Variants in SLC17A6 observed in about 807,000 individuals in gnomAD.
SLC17A6 encodes the protein vesicular glutamate transporter 2.
Under a neutral mutation model 67.1 loss-of-function variants are expected in SLC17A6, and 35 were observed. The ratio of observed to expected loss-of-function variants is 0.52; its 90% CI spans 0.40 to 0.69. SLC17A6 has a LOEUF of 0.69. Ranked by LOEUF, SLC17A6 falls within the 30% of genes least tolerant of loss-of-function variation. The pLI is 0.00. For missense variants in SLC17A6, 588 were observed against 723.9 expected (o/e 0.81, Z 2.15); for synonymous variants, 285 against 252.3 (o/e 1.13, Z -1.23).
chr11:22,368,408 G>A (rs926428527), intron 7 of SLC17A6, among the ~76,000 whole-genome samples: 1 of 151,836 alleles, frequency 6.6e-6, no homozygotes, highest in African/African-American at 2.4e-5. Context: ...AACACTAATA[G>A]TAAACAATCA....
At chr11:22,374,956 T>C (rs1041648937) in intron 9 of SLC17A6, 69 bp downstream of exon 9, 12 of 1,407,110 alleles carry the variant, frequency 8.5e-6, no homozygotes, top group Non-Finnish European at 1.1e-5. Flanking sequence ...AGAGAATAAC[T>C]TTTTCTACAC....
chr11:22,343,552 A>C (rs1238182634), intron 3 of SLC17A6, among the ~76,000 whole-genome samples, 187 bp downstream of exon 3: 1 of 152,126 alleles, frequency 6.6e-6, no homozygotes, highest in East Asian at 1.9e-4. Flanking sequence ...AGTCGCCTAA[A>C]CGAATGTAGG....
At position 22,364,169 on chromosome 11, in the gene SLC17A6, G is replaced by A. The variant is rs566733768; in HGVS notation, c.748+1344G>A. The stretch of plus-strand genomic sequence containing the variant: ...GTCTGGAGTCACACATTCAGTTTTC[G>A]CATTTTAAAGATTAAAGAGATAAGA... On this transcript the variant is annotated intron_variant, in intron 6 of 11. Transcript: ENST00000263160. Among the ~76,000 whole-genome samples, 5 of 152,016 alleles carry A rather than the reference G, an allele frequency of 3.3e-5. 1 individual carries two copies. The South Asian group carries it at 8.3e-4, about 25-fold the overall frequency.
chr11:22,365,707 G>T lies in SLC17A6; in HGVS notation c.891+18G>T. On this transcript the variant is annotated intron_variant, in intron 7 of 11. Coordinates refer to ENST00000263160, the MANE Select transcript of SLC17A6 (RefSeq NM_020346.3). Reference sequence around the variant, plus strand: ...CAATGGAAGTAAGAAATTTATTATGGTGTATATTCCTATCTTATTCCCATC... The same window carrying T: ...CAATGGAAGTAAGAAATTTATTATGTTGTATATTCCTATCTTATTCCCATC... The T allele has an allele frequency of 6.2e-7, 1 of 1,610,530 alleles. No individual in the cohort carries two copies. Among genetic ancestry groups the T allele is most frequent in the Non-Finnish European group, 8.5e-7 (1 of 1,178,220 alleles).
intron 3 of SLC17A6, 114 bp downstream of exon 3, chr11:22,343,479 A>T (rs2665690): frequency 0.21 from 165,204 of 790,250 alleles, 18,062 homozygotes; most frequent in Non-Finnish European, 0.23. Flanking sequence ...TCCCGGGCGA[A>T]GTCTTCTAGT....
intron 3 of SLC17A6, among the ~76,000 whole-genome samples, chr11:22,346,793 T>C (rs867038161): frequency 1.3e-5 from 2 of 149,080 alleles, no homozygotes; most frequent in Non-Finnish European, 3.0e-5. Context: ...ACGTGTTTAA[T>C]GGCATAAATA....
At chr11:22,347,537 A>G (rs747021383) in intron 3 of SLC17A6, among the ~76,000 whole-genome samples, 1 of 152,176 alleles carries the variant, frequency 6.6e-6, no homozygotes. Flanking sequence ...AACCTCTGTG[A>G]CTATTCAGCT....
chr11:22,346,494 C>T (rs545870525), intron 3 of SLC17A6, among the ~76,000 whole-genome samples: 1 of 152,192 alleles, frequency 6.6e-6, no homozygotes, highest in East Asian at 1.9e-4. Flanking sequence ...TCTTGCATCA[C>T]TTTTTCCTTT....
chr11:22,340,983 A>T (rs987589944), intron 1 of SLC17A6, among the ~76,000 whole-genome samples: 1 of 152,302 alleles, frequency 6.6e-6, no homozygotes, highest in East Asian at 1.9e-4. Flanking sequence ...TCAACCTGGA[A>T]AGCTTCAACT....
At chr11:22,362,680 G>T in intron 5 of SLC17A6, 59 bp from the exon 6 acceptor site, 2 of 1,360,814 alleles carry the variant, frequency 1.5e-6, no homozygotes, top group Admixed American at 1.7e-5. Flanking sequence ...AATGTGAGAT[G>T]ATATCAATAA....
chr11:22,359,865 T>C (rs1469128571), intron 4 of SLC17A6, among the ~76,000 whole-genome samples: 1 of 152,164 alleles, frequency 6.6e-6, no homozygotes, highest in Non-Finnish European at 1.5e-5. Context: ...AACCATGAAT[T>C]AGTATCTTGG....
chr11:22,366,140 T>C (rs1856109703), intron 7 of SLC17A6, among the ~76,000 whole-genome samples: 1 of 152,170 alleles, frequency 6.6e-6, no homozygotes, highest in African/African-American at 2.4e-5. Context: ...ATATAATGTT[T>C]TTCCTATACA....
intron 3 of SLC17A6, 127 bp from the exon 4 acceptor site, chr11:22,359,286 C>T (rs1856023946): frequency 2.1e-6 from 1 of 476,508 alleles, no homozygotes; most frequent in Non-Finnish European, 3.5e-6. Context: ...TTAGAAAAAA[C>T]AATCTACCTT....
rs143750207 is a variant in SLC17A6, at chr11:22,377,709, A to G, written c.1718A>G (p.His573Arg). 6 of 1,602,232 alleles carry G rather than the reference A, an allele frequency of 3.7e-6. No homozygotes were observed. Among genetic ancestry groups the G allele is most frequent in the Non-Finnish European group, 5.1e-6 (6 of 1,175,110 alleles). ...GTACAAGGAGAAGTACAAGACTCACATAGCTATAAGGACCGAGTTGATTAT... is the reference window on the plus strand; with the variant it reads ...GTACAAGGAGAAGTACAAGACTCACGTAGCTATAAGGACCGAGTTGATTAT... ...EFVQGEVQDS[H>R]SYKDRVDYS The change falls in exon 12 of 12, where the codon CAT becomes CGT. Residue 573 changes from histidine to arginine, a missense_variant. By Grantham distance (29) the His-to-Arg change is conservative. Coordinates refer to ENST00000263160, the MANE Select transcript of SLC17A6 (RefSeq NM_020346.3).
chr11:22,348,532 T>C (rs1855903077), intron 3 of SLC17A6, among the ~76,000 whole-genome samples: 1 of 152,142 alleles, frequency 6.6e-6, no homozygotes, highest in Admixed American at 6.6e-5. Flanking sequence ...GAGAACATGG[T>C]ATTTATAACT....
intron 9 of SLC17A6, 144 bp downstream of exon 9, chr11:22,375,031 T>C (rs560189295): frequency 1.5e-5 from 13 of 854,168 alleles, no homozygotes; most frequent in Non-Finnish European, 2.1e-5. Context: ...AACTTCCTCA[T>C]ATTACATCAA....
Position 22,360,898 on chromosome 11 carries a change from G to A in SLC17A6, c.575G>A (p.Gly192Asp), listed in dbSNP as rs1226744142. The change falls in exon 5 of 12, where the codon GGT becomes GAT. Residue 192 changes from glycine (G) to aspartate (D), a missense_variant and splice_region_variant. Gly to Asp is a moderately conservative substitution (Grantham distance 94). Coordinates refer to ENST00000263160, the MANE Select transcript of SLC17A6 (RefSeq NM_020346.3). ...GATGAGTATCTTCCCCCATCACAGG[G>A]TGTGACCTACCCAGCATGTCATGGG... ...FVRILQGLVE[G>D]VTYPACHGIW... 6.2e-7 allele frequency: 1 copy of A among 1,613,752 alleles called. No individual in the cohort carries two copies. The highest frequency in any genetic ancestry group is 1.1e-5 in the South Asian group (1 of 91,044).
chr11:22,365,605 A>G lies in SLC17A6; in HGVS notation c.807A>G (p.Ala269=), dbSNP rs1856102791. 1 of 1,614,026 alleles carries G rather than the reference A, an allele frequency of 6.2e-7. No homozygotes were observed. The highest frequency in any genetic ancestry group is 8.5e-7 in the Non-Finnish European group (1 of 1,179,908). Residue 269 remains alanine (A), a synonymous_variant, in exon 7 of 12, where the codon GCA becomes GCG. Transcript: ENST00000263160. Reference sequence around the variant, plus strand: ...TTTTGGTGTCTTATGAAAGTCCTGCAAAGCATCCTACTATTACAGATGAAG... The same window carrying G: ...TTTTGGTGTCTTATGAAAGTCCTGCGAAGCATCCTACTATTACAGATGAAG... ...FWLLVSYESP[A]KHPTITDEER... is the part of the protein sequence containing the mutation.
intron 9 of SLC17A6, 132 bp from the exon 10 acceptor site, chr11:22,375,850 A>G: frequency 1.8e-6 from 1 of 545,568 alleles, no homozygotes; most frequent in Non-Finnish European, 3.3e-6. Context: ...TATTATGATT[A>G]TTATTAGTTT....
Sources: gnomAD v4.1 joint callset for allele counts (sites outside exome capture counted in the v4.1 genomes callset) on GRCh38, gnomAD v4.1.1 for gene constraint, MANE v1.5 for transcripts, NCBI Gene and HGNC (gene_info 2026-07-23, HGNC 2026-07-21) for gene names.